The following AP1B1 variants were observed in gnomAD, a reference collection of about 807,000 sequenced individuals.
AP1B1 encodes the protein AP-1 complex subunit beta-1.
In AP1B1, 36 loss-of-function variants were observed where a neutral mutation model predicts 104.3. That is an observed-to-expected ratio of 0.35 (90% CI 0.26 to 0.46). AP1B1 has a LOEUF of 0.46. Ranked by LOEUF, AP1B1 falls within the 20% of genes least tolerant of loss-of-function variation. AP1B1 has a pLI of 1.00. For synonymous variants in AP1B1, 504 were observed against 517.5 expected (o/e 0.97, Z 0.35); for missense variants, 901 against 1,247.9 (o/e 0.72, Z 4.19).
chr22:29,373,006 C>T (rs561371471), intron 1 of AP1B1, among the ~76,000 whole-genome samples: 6 of 152,174 alleles, frequency 3.9e-5, no homozygotes, highest in African/African-American at 9.7e-5. Context: ...GAGATCAAGC[C>T]GGGTGTTGTG....
intron 10 of AP1B1, among the ~76,000 whole-genome samples, 200 bp from the exon 11 acceptor site, chr22:29,349,583 A>ACCAG (rs1602726540): frequency 6.6e-6 from 1 of 151,368 alleles, no homozygotes; most frequent in East Asian, 1.9e-4. Context: ...GTGTGATCTC[A>ACCAG]CCTCACTGCA....
chr22:29,348,062 T>C (rs962502743), intron 11 of AP1B1, among the ~76,000 whole-genome samples: 3 of 152,274 alleles, frequency 2.0e-5, no homozygotes, highest in Non-Finnish European at 4.4e-5. Context: ...TTACAGAGTA[T>C]GCTACAGCAG....
At chr22:29,338,112 G>A (rs1318768572) in intron 16 of AP1B1, among the ~76,000 whole-genome samples, 1 of 152,216 alleles carries the variant, frequency 6.6e-6, no homozygotes, top group Admixed American at 6.5e-5. Context: ...GGCATAACAT[G>A]TAGTGGGCTG....
At position 29,349,371 on chromosome 22, in the gene AP1B1, C is replaced by T. The variant is rs758406531; in HGVS notation, c.1284G>A (p.Val428=). The T allele has an allele frequency of 3.1e-6, 5 of 1,613,742 alleles. No homozygotes were observed. The African/African-American group carries it at 4.0e-5, about 13-fold the overall frequency. The change falls in exon 11 of 23, where the codon GTG becomes GTA. Residue 428 remains valine, a synonymous_variant. Coordinates refer to ENST00000357586, the MANE Select transcript of AP1B1 (RefSeq NM_001127.4). ...FRKYPNKYES[V]IATLCENLDS... ...CCAGATTCTCACACAGTGTGGCAAT[C>T]ACACTCTCATACCTGGGAGACCAGG...
Position 29,342,523 on chromosome 22 carries a change from G to A in AP1B1, c.1438-140C>T, listed in dbSNP as rs1299149458. 5 of 677,664 alleles carry A rather than the reference G, an allele frequency of 7.4e-6. No homozygotes were observed. The Admixed American group carries it at 7.6e-5, about 10-fold the overall frequency. The allele number at this position is 677,664 out of a possible 1,614,324, so 42.0% of individuals were successfully genotyped here. On this transcript the variant is annotated intron_variant, in intron 11 of 22. Coordinates refer to ENST00000357586, the MANE Select transcript of AP1B1 (RefSeq NM_001127.4). The stretch of plus-strand genomic sequence containing the variant: ...CTATTCTAGGTTTGGGGCTGTCACG[G>A]CACACAGGCAAAGGGCTGCCACAAG...
chr22:29,355,171 A>G (rs1295685716), intron 6 of AP1B1, among the ~76,000 whole-genome samples: 1 of 151,624 alleles, frequency 6.6e-6, no homozygotes, highest in Non-Finnish European at 1.5e-5. Flanking sequence ...CAGGAGGTGG[A>G]GGTTACAGTG....
chr22:29,356,384 G>A (rs1278617243), intron 6 of AP1B1, 42 bp downstream of exon 6: 1 of 1,575,440 alleles, frequency 6.3e-7, no homozygotes. Flanking sequence ...TGAGGACCAG[G>A]GTCCTCAAGC....
intron 12 of AP1B1, among the ~76,000 whole-genome samples, chr22:29,341,992 G>A (rs538926752): frequency 2.0e-5 from 3 of 152,304 alleles, no homozygotes; most frequent in East Asian, 1.9e-4. Flanking sequence ...ACTCCCAACC[G>A]CCCTCTGTGG....
chr22:29,360,048 G>T, intron 3 of AP1B1, 89 bp from the exon 4 acceptor site: 1 of 1,429,162 alleles, frequency 7.0e-7, no homozygotes, highest in Non-Finnish European at 9.5e-7. Flanking sequence ...TGAGAGGACA[G>T]TGGGTAGGAG....
Position 29,327,937 on chromosome 22 carries a change from G to A in AP1B1, c.*884C>T, listed in dbSNP as rs1219497999. 6.6e-6 allele frequency: 1 copy of A among 152,610 alleles called. No homozygotes were observed. Among genetic ancestry groups the A allele is most frequent in the Non-Finnish European group, 1.5e-5 (1 of 68,086 alleles). The allele number at this position is 152,610 out of a possible 1,614,324, so 9.5% of individuals were successfully genotyped here. A position where few individuals can be genotyped will look rare whatever the true frequency, so the allele number is the denominator to read the frequency against. ...GCTCTGTCAGACACAACTGAAACCT[G>A]GGAGGCCAGGAGGAGGGCAGCAGAC... On this transcript the variant is annotated 3_prime_UTR_variant, in exon 23 of 23. Coordinates refer to ENST00000357586, the MANE Select transcript of AP1B1 (RefSeq NM_001127.4).
chr22:29,361,289 G>A (rs372021200), intron 3 of AP1B1, among the ~76,000 whole-genome samples: 10 of 152,166 alleles, frequency 6.6e-5, no homozygotes, highest in Non-Finnish European at 1.5e-4. Flanking sequence ...CTTGGGGGGC[G>A]ATCCATGGGG....
intron 16 of AP1B1, among the ~76,000 whole-genome samples, chr22:29,336,806 A>G (rs940495201): frequency 9.8e-5 from 14 of 142,390 alleles, no homozygotes; most frequent in Non-Finnish European, 2.0e-4. Flanking sequence ...CTCTGTCTCA[A>G]AAAAAAAAAA....
chr22:29,331,682 T>C, intron 18 of AP1B1, 105 bp downstream of exon 18: 1 of 1,602,068 alleles, frequency 6.2e-7, no homozygotes, highest in Non-Finnish European at 8.5e-7. Flanking sequence ...CCAACACATC[T>C]GCAGCTAAGA....
chr22:29,335,585 C>A (rs1202994981), intron 16 of AP1B1, among the ~76,000 whole-genome samples: 1 of 152,184 alleles, frequency 6.6e-6, no homozygotes, highest in East Asian at 1.9e-4. Flanking sequence ...ACCCCATTTC[C>A]ACCCTCTCCC....
At chr22:29,342,669 C>T (rs1430980433) in intron 11 of AP1B1, among the ~76,000 whole-genome samples, 1 of 152,194 alleles carries the variant, frequency 6.6e-6, no homozygotes, top group Admixed American at 6.5e-5. Flanking sequence ...GTTTTAGAAA[C>T]CTGTTGGAGC....
chr22:29,338,960 TCCC>T, intron 16 of AP1B1, 27 bp downstream of exon 16: 2 of 1,613,000 alleles, frequency 1.2e-6, no homozygotes, highest in Non-Finnish European at 1.7e-6. Flanking sequence ...TTCTCTCTGC[TCCC>T]GCCAAGACAG....
intron 3 of AP1B1, among the ~76,000 whole-genome samples, chr22:29,362,093 C>T (rs1056702658): frequency 6.6e-6 from 1 of 152,020 alleles, no homozygotes; most frequent in African/African-American, 2.4e-5. Context: ...CATCCGGCCT[C>T]GAATGGGTTT....
intron 9 of AP1B1, 25 bp from the exon 10 acceptor site, chr22:29,350,175 G>C (rs367602720): frequency 6.3e-7 from 1 of 1,597,652 alleles, no homozygotes. Flanking sequence ...AAGAGTGTGG[G>C]CGAGGTCCCC....
At chr22:29,362,460 C>G (rs959098766) in intron 3 of AP1B1, among the ~76,000 whole-genome samples, 3 of 152,066 alleles carry the variant, frequency 2.0e-5, no homozygotes, top group Non-Finnish European at 4.4e-5. Context: ...AATTCTCCTG[C>G]CTCAGCCTCC....
Sources: gnomAD v4.1 joint callset for allele counts (sites outside exome capture counted in the v4.1 genomes callset) on GRCh38, gnomAD v4.1.1 for gene constraint, MANE v1.5 for transcripts, NCBI Gene and HGNC (gene_info 2026-07-23, HGNC 2026-07-21) for gene names.